The following CADM2 variants were observed in gnomAD, a reference collection of about 807,000 sequenced individuals.
The protein encoded by CADM2 is cell adhesion molecule 2, also known as immunoglobulin superfamily member 4D.
In CADM2, 12 loss-of-function variants were observed where a neutral mutation model predicts 49.8. The ratio of observed to expected loss-of-function variants is 0.24; its 90% CI spans 0.15 to 0.39. The LOEUF (loss-of-function observed/expected upper bound fraction) is 0.39. Among genes scored for constraint, CADM2 ranks in the 10% least tolerant of loss-of-function variants. The pLI is 1.00. For missense variants in CADM2, 378 were observed against 492.3 expected (o/e 0.77, Z 2.20); for synonymous variants, 214 against 175.4 (o/e 1.22, Z -1.74).
chr3:85,543,632 C>A (rs2061601541), intron 1 of CADM2, among the ~76,000 whole-genome samples: 1 of 152,100 alleles, frequency 6.6e-6, no homozygotes, highest in South Asian at 2.1e-4. Flanking sequence ...CAAAATACCA[C>A]AGGCTGGGTA....
rs527248885 is a variant in CADM2, at chr3:85,290,278, G to A, written c.61+330610G>A. 1.1e-3 allele frequency among the ~76,000 whole-genome samples: 161 copies of A among 152,230 alleles called. 2 individuals carry two copies. The Middle Eastern group carries it at 0.024, about 23-fold the overall frequency. ...CGAGATTATATCCCGCACCTGGCTC[G>A]GAGGGTCCTACGCCCACGGAATCTT... On this transcript the variant is annotated intron_variant, in intron 1 of 9. Transcript: ENST00000383699.
At chr3:85,216,526 A>G (rs1399320101) in intron 1 of CADM2, among the ~76,000 whole-genome samples, 3 of 151,866 alleles carry the variant, frequency 2.0e-5, no homozygotes, top group Non-Finnish European at 2.9e-5. Flanking sequence ...AAATTACAGA[A>G]GACATGCCCA....
In CADM2 at chr3:85,359,658, ATATATATATT is replaced by A. The variant is rs1220175578; in HGVS notation, c.62-366862_62-366853del. Among the ~76,000 whole-genome samples, 3 of 17,460 alleles carry A rather than the reference ATATATATATT, an allele frequency of 1.7e-4. 1 individual carries two copies. 11.5% of individuals were successfully genotyped at this position (17,460 alleles called of 152,430 possible). ...TCAGCATATATATATATATATATAT[ATATATATATT>A]TTTTTTTTTGGTGGAGGGGAGAAGA... On this transcript the variant is annotated intron_variant, in intron 1 of 9. Transcript: ENST00000383699.
At chr3:85,358,526 A>C (rs1445746210) in intron 1 of CADM2, among the ~76,000 whole-genome samples, 1 of 152,140 alleles carries the variant, frequency 6.6e-6, no homozygotes, top group African/African-American at 2.4e-5. Context: ...AGTGGAGCCC[A>C]TTACAACTGT....
At position 85,267,172 on chromosome 3, in the gene CADM2, T is replaced by A. The variant is rs545489240; in HGVS notation, c.61+307504T>A. ...TGAAGCAAAAACTCATTTCTCTACA[T>A]AGTAGGATTTTTAATTATCTTATCA... On this transcript the variant is annotated intron_variant, in intron 1 of 9. Transcript: ENST00000383699. Among the ~76,000 whole-genome samples the A allele has an allele frequency of 5.5e-4, 83 of 151,858 alleles. 3 individuals carry two copies. In the South Asian group the frequency reaches 0.016, roughly 29 times the overall value.
At chr3:85,451,781 T>A (rs573417563) in intron 1 of CADM2, among the ~76,000 whole-genome samples, 9 of 152,266 alleles carry the variant, frequency 5.9e-5, no homozygotes, top group African/African-American at 1.2e-4. Context: ...CAAGATTTTT[T>A]AAAATTCATT....
chr3:85,271,602 A>G (rs1340587770), intron 1 of CADM2, among the ~76,000 whole-genome samples: 2 of 151,174 alleles, frequency 1.3e-5, no homozygotes, highest in Non-Finnish European at 3.0e-5. Flanking sequence ...AATAATAACC[A>G]TATCTCCTGC....
chr3:86,009,841 G>A (rs1731277315), intron 8 of CADM2, among the ~76,000 whole-genome samples: 1 of 151,584 alleles, frequency 6.6e-6, no homozygotes, highest in Non-Finnish European at 1.5e-5. Context: ...ATGATGTTTT[G>A]AAGTATATAT....
At chr3:85,124,943 T>G (rs1038830201) in intron 1 of CADM2, among the ~76,000 whole-genome samples, 1 of 152,198 alleles carries the variant, frequency 6.6e-6, no homozygotes, top group African/African-American at 2.4e-5. Flanking sequence ...TGAACCATTA[T>G]AAGTTAGGGC....
chr3:85,427,160 C>CCA (rs1281641317), intron 1 of CADM2, among the ~76,000 whole-genome samples: 1 of 113,704 alleles, frequency 8.8e-6, no homozygotes, highest in African/African-American at 4.9e-5. Flanking sequence ...TGTATTGGAA[C>CCA]TATATATATA....
At chr3:85,219,467 C>T (rs896379193) in intron 1 of CADM2, among the ~76,000 whole-genome samples, 2 of 152,114 alleles carry the variant, frequency 1.3e-5, no homozygotes, top group Non-Finnish European at 2.9e-5. Context: ...AGGTAACTGT[C>T]ACTTTAAAAG....
At chr3:86,005,462 A>T (rs1016598439) in intron 8 of CADM2, among the ~76,000 whole-genome samples, 15 of 151,956 alleles carry the variant, frequency 9.9e-5, no homozygotes, top group African/African-American at 3.1e-4. Flanking sequence ...GAGGCAGGAG[A>T]ATTGCTGGAA....
intron 1 of CADM2, among the ~76,000 whole-genome samples, chr3:85,687,307 T>G (rs1283946493): frequency 6.6e-6 from 1 of 152,292 alleles, no homozygotes; most frequent in Non-Finnish European, 1.5e-5. Context: ...GCCATTAAAA[T>G]AAATAACATA....
intron 1 of CADM2, among the ~76,000 whole-genome samples, chr3:84,996,960 A>T (rs190120257): frequency 6.6e-6 from 1 of 152,278 alleles, no homozygotes; most frequent in Non-Finnish European, 1.5e-5. Flanking sequence ...TGAAAAAATT[A>T]TTAACTGCTT....
At chr3:85,105,365 T>C (rs1202487738) in intron 1 of CADM2, among the ~76,000 whole-genome samples, 1 of 152,090 alleles carries the variant, frequency 6.6e-6, no homozygotes, top group Non-Finnish European at 1.5e-5. Flanking sequence ...TCACTGGCCA[T>C]CAGAGAAATG....
At chr3:85,293,896 C>T (rs1477936660) in intron 1 of CADM2, among the ~76,000 whole-genome samples, 13 of 151,652 alleles carry the variant, frequency 8.6e-5, no homozygotes, top group Admixed American at 1.3e-4. Context: ...GGATGCCCTC[C>T]CTCACCACTC....
At chr3:85,050,509 T>C (rs2035841966) in intron 1 of CADM2, among the ~76,000 whole-genome samples, 1 of 152,158 alleles carries the variant, frequency 6.6e-6, no homozygotes, top group South Asian at 2.1e-4. Flanking sequence ...ATTTTCTAAA[T>C]ATATTTTATC....
Position 86,073,939 on chromosome 3 carries a change from A to G in CADM2, c.*7156A>G, listed in dbSNP as rs554814766. The G allele has an allele frequency of 2.0e-5, 3 of 152,098 alleles. No individual in the cohort carries two copies. The highest frequency in any genetic ancestry group is 6.8e-3 in the Middle Eastern group (2 of 294). The allele number at this position is 152,098 out of a possible 1,614,324, so 9.4% of individuals were successfully genotyped here. ...TGTTATCTTATTTGTACAACATTTAATCGTTATTCCTTGGAATATATGAAC... is the reference window on the plus strand; with the variant it reads ...TGTTATCTTATTTGTACAACATTTAGTCGTTATTCCTTGGAATATATGAAC... On this transcript the variant is annotated 3_prime_UTR_variant, in exon 10 of 10. Coordinates refer to ENST00000383699, the MANE Select transcript of CADM2 (RefSeq NM_001167675.2).
intron 2 of CADM2, among the ~76,000 whole-genome samples, chr3:85,756,132 C>T (rs1473491948): frequency 1.3e-5 from 2 of 151,592 alleles, no homozygotes; most frequent in African/African-American, 4.8e-5. Context: ...GTTTGAATCT[C>T]TTGTGACAGG....
Sources: allele counts gnomAD v4.1 joint callset (sites outside exome capture counted in the v4.1 genomes callset), GRCh38; gene constraint gnomAD v4.1.1; transcripts MANE v1.5; gene names NCBI Gene and HGNC (gene_info 2026-07-23, HGNC 2026-07-21).